The following METTL15 variants were observed in gnomAD, a reference collection of about 807,000 sequenced individuals.
The protein encoded by METTL15 is methyltransferase 15, mitochondrial 12S rRNA N4-cytidine, also known as 12S rRNA N(4)-cytidine methyltransferase METTL15.
METTL15 carries 34 observed loss-of-function variants against 38.3 expected under a neutral mutation model. The observed-to-expected ratio is 0.89, with a 90% CI of 0.68 to 1.18. METTL15 has a LOEUF of 1.18. METTL15 is among the 50% of genes most tolerant of loss of function. The pLI, the probability that METTL15 is intolerant of heterozygous loss-of-function variation, is 0.00. For missense variants in METTL15, 438 were observed against 498.4 expected, an observed-to-expected ratio of 0.88 and a Z score of 1.15; for synonymous variants, 162 against 170.9, an observed-to-expected ratio of 0.95 and a Z score of 0.41.
intron 4 of METTL15, among the ~76,000 whole-genome samples, chr11:28,228,211 A>G (rs1028339177): frequency 1.3e-5 from 2 of 151,768 alleles, no homozygotes; most frequent in African/African-American, 4.8e-5. Flanking sequence ...AGGCTTTTTC[A>G]TGTCTACCTC....
intron 5 of METTL15, among the ~76,000 whole-genome samples, chr11:28,373,714 G>T (rs1456141889): frequency 6.6e-6 from 1 of 152,148 alleles, no homozygotes. Context: ...CATTGCTTTT[G>T]GTGTTTTAGA....
chr11:28,501,810 C>T (rs186083905), intron 6 of METTL15, among the ~76,000 whole-genome samples: 2 of 152,184 alleles, frequency 1.3e-5, no homozygotes, highest in Admixed American at 1.3e-4. Context: ...CACTCAAGAA[C>T]CTGGCTCGGC....
At chr11:28,295,595 C>A (rs1262778009) in intron 5 of METTL15, among the ~76,000 whole-genome samples, 1 of 149,554 alleles carries the variant, frequency 6.7e-6, no homozygotes, top group Non-Finnish European at 1.5e-5. Context: ...AGCGAAACTT[C>A]GTCTCAAAAA....
intron 6 of METTL15, among the ~76,000 whole-genome samples, chr11:28,438,686 T>C (rs868253654): frequency 4.1e-4 from 60 of 146,372 alleles, no homozygotes; most frequent in Admixed American, 1.1e-3. Flanking sequence ...TTTTTTTTTT[T>C]TTTTTGGAGA....
intron 4 of METTL15, among the ~76,000 whole-genome samples, chr11:28,251,206 C>G (rs1401617172): frequency 1.3e-5 from 2 of 152,068 alleles, no homozygotes; most frequent in Admixed American, 1.3e-4. Flanking sequence ...ATTCTTCCAC[C>G]CTACCAAATC....
intron 5 of METTL15, among the ~76,000 whole-genome samples, chr11:28,397,974 A>G (rs1333038370): frequency 6.6e-6 from 1 of 152,136 alleles, no homozygotes. Context: ...CATTCTCAGC[A>G]AACTATCACA....
chr11:28,115,961 C>G (rs1851935258), intron 3 of METTL15, among the ~76,000 whole-genome samples: 1 of 151,490 alleles, frequency 6.6e-6, no homozygotes, highest in Non-Finnish European at 1.5e-5. Context: ...CACACACACA[C>G]ACACAACCCT....
intron 3 of METTL15, chr11:28,164,104 G>T (rs961956568): frequency 1.3e-5 from 2 of 152,040 alleles, no homozygotes; most frequent in African/African-American, 4.8e-5. Context: ...TTTGGAGATT[G>T]ATTATTGCCA....
At chr11:28,119,543 G>A (rs1157673917) in intron 3 of METTL15, among the ~76,000 whole-genome samples, 1 of 152,174 alleles carries the variant, frequency 6.6e-6, no homozygotes, top group Non-Finnish European at 1.5e-5. Context: ...CTAAACGGAA[G>A]CAAAATAGAT....
At chr11:28,414,199 C>A (rs571276580) in intron 5 of METTL15, among the ~76,000 whole-genome samples, 1 of 152,232 alleles carries the variant, frequency 6.6e-6, no homozygotes, top group Non-Finnish European at 1.5e-5. Flanking sequence ...TGCTCAGGAG[C>A]AGTGGTCACC....
chr11:28,318,296 A>G (rs1327928849), intron 6 of METTL15, among the ~76,000 whole-genome samples: 2 of 152,142 alleles, frequency 1.3e-5, no homozygotes, highest in Non-Finnish European at 2.9e-5. Flanking sequence ...GTAAGAAAAG[A>G]TCTCTGGACC....
chr11:28,300,289 A>T (rs1173995491), intron 6 of METTL15, among the ~76,000 whole-genome samples: 3 of 152,146 alleles, frequency 2.0e-5, no homozygotes, highest in African/African-American at 4.8e-5. Flanking sequence ...CACTCTAGGA[A>T]ATATGCAGCA....
At chr11:28,353,931 CAAAAAAAA>C (rs374097845) in intron 4 of METTL15, among the ~76,000 whole-genome samples, 1 of 46,354 alleles carries the variant, frequency 2.2e-5, no homozygotes, top group South Asian at 7.6e-4. Context: ...GACTCCGTCT[CAAAAAAAA>C]AAAAAAAAAA....
chr11:28,237,043 T>C (rs1003043690), intron 4 of METTL15, among the ~76,000 whole-genome samples: 1 of 152,208 alleles, frequency 6.6e-6, no homozygotes, highest in African/African-American at 2.4e-5. Context: ...AATTTTTTCC[T>C]TCATTTCAAC....
chr11:28,518,679 A>C (rs1216637139), intron 6 of METTL15, among the ~76,000 whole-genome samples: 1 of 152,204 alleles, frequency 6.6e-6, no homozygotes, highest in Non-Finnish European at 1.5e-5. Flanking sequence ...GTTAAGAAAA[A>C]CAAACAAACA....
chr11:28,509,707 C>A (rs925791682), intron 6 of METTL15, among the ~76,000 whole-genome samples: 18 of 152,140 alleles, frequency 1.2e-4, no homozygotes, highest in African/African-American at 4.3e-4. Context: ...CAAATTAGAT[C>A]TCCTAAGAGT....
At chr11:28,133,726 C>T (rs1849416693) in intron 3 of METTL15, among the ~76,000 whole-genome samples, 1 of 152,162 alleles carries the variant, frequency 6.6e-6, no homozygotes, top group South Asian at 2.1e-4. Context: ...CAACAATCAG[C>T]ACCCAGTGGT....
intron 5 of METTL15, among the ~76,000 whole-genome samples, chr11:28,378,110 T>G (rs1164362922): frequency 6.6e-6 from 1 of 152,098 alleles, no homozygotes; most frequent in Non-Finnish European, 1.5e-5. Flanking sequence ...TGTCTTTTTG[T>G]TTGTCTGTGC....
At chr11:28,376,834 A>T in intron 5 of METTL15, among the ~76,000 whole-genome samples, 1 of 143,914 alleles carries the variant, frequency 6.9e-6, no homozygotes, top group Non-Finnish European at 1.5e-5. Context: ...TTCCTTCAGG[A>T]GCTCTTTTAG....
Sources: allele counts gnomAD v4.1 joint callset (sites outside exome capture counted in the v4.1 genomes callset), GRCh38; gene constraint gnomAD v4.1.1; transcripts MANE v1.5; gene names NCBI Gene and HGNC (gene_info 2026-07-23, HGNC 2026-07-21).